Variants in ATP11B observed in about 807,000 individuals in gnomAD.
ATP11B encodes phospholipid-transporting ATPase IF.
A neutral mutation model predicts 157.8 loss-of-function variants in ATP11B; 81 were observed. The observed-to-expected ratio is 0.51, with a 90% CI of 0.43 to 0.62. ATP11B has a LOEUF of 0.62. ATP11B is among the 20% of genes least tolerant of loss of function. The pLI, the probability that ATP11B is intolerant of heterozygous loss-of-function variation, is 0.00. For synonymous variants in ATP11B, 451 were observed against 469.4 expected, an observed-to-expected ratio of 0.96 and a Z score of 0.51; for missense variants, 1,165 against 1,402.2, an observed-to-expected ratio of 0.83 and a Z score of 2.70.
intron 24 of ATP11B, 50 bp from the exon 25 acceptor site, chr3:182,889,360 C>T (rs549406012): frequency 3.1e-6 from 4 of 1,305,216 alleles, no homozygotes; most frequent in Non-Finnish European, 4.2e-6. Flanking sequence ...GTTTAGTGGG[C>T]AAATAATAAA....
chr3:182,883,949 C>G (rs918756540), intron 21 of ATP11B, among the ~76,000 whole-genome samples: 1 of 105,642 alleles, frequency 9.5e-6, no homozygotes, highest in African/African-American at 3.9e-5. Context: ...AGCGAGACTC[C>G]GTCTCAAAAA....
rs1287849421 is a variant in ATP11B at position 182,897,363 on chromosome 3, A to G, written c.3109A>G (p.Ile1037Val). ...INHLVTWGSI[I>V]FYFVFSLFYG... ...CCATCTCGTTACCTGGGGATCTATT[A>G]TATTTTATTTTGTATTTTCCTTGTT... The change falls in exon 27 of 30, where the codon ATA becomes GTA. Residue 1037 changes from isoleucine to valine, a missense_variant. Ile to Val is a conservative substitution (Grantham distance 29, BLOSUM62 3). Transcript: ENST00000323116. 1 of 1,592,262 alleles carries G rather than the reference A, an allele frequency of 6.3e-7. No individual in the cohort carries two copies. The highest frequency in any genetic ancestry group is 8.5e-7 in the Non-Finnish European group (1 of 1,173,644).
At chr3:182,857,842 A>G (rs752383532) in intron 10 of ATP11B, 36 bp from the exon 11 acceptor site, 1 of 1,318,820 alleles carries the variant, frequency 7.6e-7, no homozygotes. Flanking sequence ...GTAATACATG[A>G]GTTGTATGTT....
intron 1 of ATP11B, among the ~76,000 whole-genome samples, chr3:182,818,092 G>A (rs1218858273): frequency 6.6e-6 from 1 of 152,186 alleles, no homozygotes; most frequent in Non-Finnish European, 1.5e-5. Flanking sequence ...TGAGCTGAAA[G>A]CAGAGTGATG....
At chr3:182,908,191 A>ATTTTATTT (rs1724508207) in intron 28 of ATP11B, among the ~76,000 whole-genome samples, 1 of 95,920 alleles carries the variant, frequency 1.0e-5, no homozygotes, top group African/African-American at 4.2e-5. Flanking sequence ...TCATATTATT[A>ATTTTATTT]TTTTCTTTTT....
intron 1 of ATP11B, among the ~76,000 whole-genome samples, chr3:182,808,955 A>T (rs1488579068): frequency 6.6e-6 from 1 of 151,870 alleles, no homozygotes; most frequent in Non-Finnish European, 1.5e-5. Flanking sequence ...AGTTTCTCAG[A>T]CTTTAATTTA....
In ATP11B at chr3:182,829,729, A is replaced by G. The variant is rs1377059315; in HGVS notation, c.292A>G (p.Ile98Val). 3 of 1,608,148 alleles carry G rather than the reference A, an allele frequency of 1.9e-6. No homozygotes were observed. Among genetic ancestry groups the G allele is most frequent in the African/African-American group, 1.3e-5 (1 of 74,716 alleles). Reference sequence around the variant, plus strand: ...CAGTGGACTTCCATTATTCTTTGTGATAACAGTAACTGCCATAAAGCAGGT... The same window carrying G: ...CAGTGGACTTCCATTATTCTTTGTGGTAACAGTAACTGCCATAAAGCAGGT... ...VTSGLPLFFV[I>V]TVTAIKQGYE... is the part of the protein sequence containing the mutation. The change falls in exon 4 of 30, where the codon ATA becomes GTA. Residue 98 changes from isoleucine (I) to valine (V), a missense_variant. Transcript: ENST00000323116.
chr3:182,853,394 A>C (rs1313729568), intron 10 of ATP11B, among the ~76,000 whole-genome samples: 1 of 152,056 alleles, frequency 6.6e-6, no homozygotes, highest in Non-Finnish European at 1.5e-5. Context: ...TTTTTAGTAG[A>C]GACAGGGTTT....
chr3:182,863,535 A>G (rs1196321385), intron 12 of ATP11B, among the ~76,000 whole-genome samples: 2 of 152,016 alleles, frequency 1.3e-5, no homozygotes, highest in Non-Finnish European at 2.9e-5. Context: ...ACAAGTATTT[A>G]ATGTATGTTT....
At chr3:182,826,571 T>G (rs1008404449) in intron 2 of ATP11B, among the ~76,000 whole-genome samples, 1 of 152,210 alleles carries the variant, frequency 6.6e-6, no homozygotes, top group Non-Finnish European at 1.5e-5. Flanking sequence ...CTCCAGGAAG[T>G]ATCTACCTCT....
chr3:182,836,941 T>A (rs1718598907), intron 6 of ATP11B, 130 bp from the exon 7 acceptor site: 1 of 652,272 alleles, frequency 1.5e-6, no homozygotes, highest in Non-Finnish European at 2.7e-6. Context: ...TTCTTTCTCT[T>A]CTGTTGTCTA....
intron 21 of ATP11B, among the ~76,000 whole-genome samples, chr3:182,883,972 AAAAG>A (rs1466203036): frequency 5.8e-5 from 6 of 103,656 alleles, no homozygotes; most frequent in African/African-American, 1.6e-4. Context: ...AAAAAAAAAA[AAAAG>A]AATGCAGACT....
At chr3:182,879,865 G>A (rs1722299717) in intron 20 of ATP11B, among the ~76,000 whole-genome samples, 1 of 152,196 alleles carries the variant, frequency 6.6e-6, no homozygotes. Context: ...CAGAAAACCT[G>A]TGATGAGTAG....
chr3:182,844,425 T>A (rs1363154556), intron 8 of ATP11B: 4 of 330,056 alleles, frequency 1.2e-5, no homozygotes, highest in Non-Finnish European at 1.7e-5. Context: ...CAGAAAACTA[T>A]AAGGAATAGC....
intron 4 of ATP11B, among the ~76,000 whole-genome samples, chr3:182,835,204 A>G (rs1284420532): frequency 2.0e-5 from 3 of 152,122 alleles, no homozygotes; most frequent in African/African-American, 7.2e-5. Flanking sequence ...AGTGAAAACA[A>G]TCCGTGTATG....
At chr3:182,864,658 T>G (rs1241515871) in intron 12 of ATP11B, among the ~76,000 whole-genome samples, 6 of 152,112 alleles carry the variant, frequency 3.9e-5, no homozygotes, top group Admixed American at 3.9e-4. Context: ...CTGGATTTGA[T>G]TTGCATCTCT....
chr3:182,850,048 G>A (rs926151256), intron 10 of ATP11B, among the ~76,000 whole-genome samples: 3 of 152,244 alleles, frequency 2.0e-5, no homozygotes, highest in Non-Finnish European at 2.9e-5. Context: ...CAATATAAGC[G>A]ATAACCAGTT....
chr3:182,888,849 A>C (rs1722973111), intron 24 of ATP11B, among the ~76,000 whole-genome samples: 1 of 145,044 alleles, frequency 6.9e-6, no homozygotes. Flanking sequence ...TGCCCAGCCT[A>C]TCATATTTCT....
intron 23 of ATP11B, among the ~76,000 whole-genome samples, chr3:182,886,427 G>T (rs369258574): frequency 7.5e-4 from 114 of 152,190 alleles, no homozygotes; most frequent in African/African-American, 2.6e-3. Context: ...TGGCATATAG[G>T]TTTTATCTCA....
Sources: allele counts gnomAD v4.1 joint callset (sites outside exome capture counted in the v4.1 genomes callset), GRCh38; gene constraint gnomAD v4.1.1; transcripts MANE v1.5; gene names NCBI Gene and HGNC (gene_info 2026-07-23, HGNC 2026-07-21).